WDR44: variants seen among roughly 807,000 people sequenced by gnomAD.
WDR44 encodes the protein WD repeat domain 44.
In WDR44, 9 loss-of-function variants were observed where a neutral mutation model predicts 65.7. The observed-to-expected ratio is 0.14, with a 90% CI of 0.08 to 0.24. The LOEUF is 0.24. Among genes scored for constraint, WDR44 ranks in the 10% least tolerant of loss-of-function variants. WDR44 has a pLI of 1.00. For missense variants in WDR44, 425 were observed against 670.9 expected, an observed-to-expected ratio of 0.63 and a Z score of 4.05; for synonymous variants, 220 against 235.2, an observed-to-expected ratio of 0.94 and a Z score of 0.59.
At chrX:118,436,089 G>A (rs956637683) in intron 13 of WDR44, among the ~76,000 whole-genome samples, 1 of 112,032 alleles carries the variant, frequency 8.9e-6, no homozygotes, top group Non-Finnish European at 1.9e-5. Flanking sequence ...TTTCCTGGGC[G>A]ATGGGGCCAT....
intron 1 of WDR44, among the ~76,000 whole-genome samples, chrX:118,369,686 T>A (rs915791815): frequency 9.1e-6 from 1 of 109,370 alleles, no homozygotes; most frequent in East Asian, 2.9e-4. Flanking sequence ...GCCAGGATGG[T>A]CTCAATCTCC....
intron 3 of WDR44, among the ~76,000 whole-genome samples, chrX:118,391,516 C>G (rs2056820134): frequency 8.9e-6 from 1 of 112,098 alleles, no homozygotes. Flanking sequence ...ATGATGCATT[C>G]TGTTAACTTT....
intron 2 of WDR44, among the ~76,000 whole-genome samples, chrX:118,381,186 A>G (rs1001220225): frequency 3.6e-5 from 4 of 111,951 alleles, no homozygotes; most frequent in African/African-American, 9.7e-5. Context: ...TTTAGAAAAG[A>G]GATGGGGCGC....
At chrX:118,423,190 T>G (rs907419755) in intron 12 of WDR44, among the ~76,000 whole-genome samples, 2 of 110,589 alleles carry the variant, frequency 1.8e-5, no homozygotes, top group Non-Finnish European at 3.8e-5. Flanking sequence ...TTTTTTGAGA[T>G]AGAGTTTCAC....
intron 1 of WDR44, among the ~76,000 whole-genome samples, chrX:118,366,691 C>A (rs1376851331): frequency 1.8e-5 from 2 of 110,731 alleles, no homozygotes; most frequent in African/African-American, 3.3e-5. Flanking sequence ...TATATATAAT[C>A]TATTAATGTA....
chrX:118,436,337 G>T (rs895815159), intron 13 of WDR44, among the ~76,000 whole-genome samples: 1 of 112,130 alleles, frequency 8.9e-6, no homozygotes, highest in African/African-American at 3.2e-5. Flanking sequence ...AATAACTGAA[G>T]TGACAATAAA....
At position 118,392,842 on chromosome X, in the gene WDR44, A is replaced by T. The variant is rs776610227; in HGVS notation, c.397A>T (p.Thr133Ser). 11 of 1,211,893 alleles carry T rather than the reference A, an allele frequency of 9.1e-6. No individual in the cohort carries two copies. Among genetic ancestry groups the T allele is most frequent in the Middle Eastern group, 2.3e-4 (1 of 4,356 alleles). The part of the protein sequence containing the change: ...KAESQNTFEE[T>S]ELELKKCFPS... The stretch of plus-strand genomic sequence containing the variant: ...AGAGAGTCAGAATACATTTGAAGAG[A>T]CTGAATTAGAATTAAAAAAATGCTT... Residue 133 changes from threonine (T) to serine (S), a missense_variant, in exon 4 of 20, where the codon ACT becomes TCT. Thr to Ser is a moderately conservative substitution (Grantham distance 58). Transcript: ENST00000254029.
Position 118,395,261 on chromosome X carries a change from G to C in WDR44, c.970G>C (p.Ala324Pro). 8.3e-7 allele frequency: 1 copy of C among 1,208,144 alleles called. No homozygotes were observed. The change falls in exon 6 of 20, where the codon GCA becomes CCA. Residue 324 changes from alanine to proline, a missense_variant. Coordinates refer to ENST00000254029, the MANE Select transcript of WDR44 (RefSeq NM_019045.5). The part of the protein sequence containing the change: ...KIVTAQENGK[A>P]PDGQTVAGEV... The stretch of plus-strand genomic sequence containing the variant: ...ATTATATTTCCAGGAAAATGGAAAA[G>C]CACCTGATGGGCAGACTGTAGCAGG...
intron 12 of WDR44, among the ~76,000 whole-genome samples, chrX:118,424,323 G>GTGTGTGTATATATA (rs1289349202): frequency 1.8e-4 from 12 of 65,552 alleles, no homozygotes; most frequent in African/African-American, 1.2e-3. Context: ...GTGTGTGTGT[G>GTGTGTGTATATATA]TATATATATA....
At chrX:118,356,292 G>A (rs1298512239) in intron 1 of WDR44, among the ~76,000 whole-genome samples, 1 of 111,512 alleles carries the variant, frequency 9.0e-6, no homozygotes, top group African/African-American at 3.3e-5. Flanking sequence ...GCATTTCAAA[G>A]AGTTATGGTC....
chrX:118,379,268 A>G (rs1405805257), intron 2 of WDR44, among the ~76,000 whole-genome samples: 2 of 111,238 alleles, frequency 1.8e-5, no homozygotes, highest in African/African-American at 3.3e-5. Context: ...TATATATTGT[A>G]TATGTATATT....
chrX:118,368,483 T>TATATATATATATATATATC (rs1569359132), intron 1 of WDR44, among the ~76,000 whole-genome samples: 15 of 87,654 alleles, frequency 1.7e-4, no homozygotes, highest in African/African-American at 7.5e-4. Flanking sequence ...ATATATATAC[T>TATATATATATATATATATC]TCTTGAGGAC....
At chrX:118,447,875 A>AATATATATATATATATATATATAT (rs10570740) in intron 19 of WDR44, among the ~76,000 whole-genome samples, 12 of 54,773 alleles carry the variant, frequency 2.2e-4, no homozygotes, top group African/African-American at 7.9e-4. Context: ...CTCTATCTAA[A>AATATATATATATATATATATATAT]ATATATATAT....
At chrX:118,375,058 T>G (rs1263699718) in intron 1 of WDR44, among the ~76,000 whole-genome samples, 1 of 111,914 alleles carries the variant, frequency 8.9e-6, no homozygotes, top group Non-Finnish European at 1.9e-5. Flanking sequence ...ATCTAGAATA[T>G]TTCCATATAT....
intron 2 of WDR44, among the ~76,000 whole-genome samples, chrX:118,380,212 T>C (rs1311740807): frequency 9.0e-6 from 1 of 111,683 alleles, no homozygotes; most frequent in African/African-American, 3.2e-5. Flanking sequence ...TCCCCAGTGG[T>C]TATATCTTAA....
In WDR44 at chrX:118,395,355, AT is replaced by A; in HGVS notation, c.1053+18del. 4 of 1,177,858 alleles carry A rather than the reference AT, an allele frequency of 3.4e-6. No homozygotes were observed. Among genetic ancestry groups the A allele is most frequent in the Non-Finnish European group, 3.4e-6 (3 of 872,605 alleles). On this transcript the variant is annotated intron_variant, in intron 6 of 19. Coordinates refer to ENST00000254029, the MANE Select transcript of WDR44 (RefSeq NM_019045.5). ...GAGCTTACTGATGAGGTAGAAATAG[AT>A]TTTTTTGTTCTTGTTCTTAAAACAT... is the stretch of plus-strand genomic sequence containing the variant.
intron 3 of WDR44, among the ~76,000 whole-genome samples, chrX:118,388,334 G>A (rs145928683): frequency 1.7e-3 from 192 of 111,613 alleles, no homozygotes; most frequent in Admixed American, 0.014. Context: ...AAGCTAGAGT[G>A]CAGTGGCACA....
chrX:118,437,783 A>T (rs913514544), intron 14 of WDR44, among the ~76,000 whole-genome samples: 1 of 111,655 alleles, frequency 9.0e-6, no homozygotes, highest in African/African-American at 3.3e-5. Context: ...CACACCTGTA[A>T]TCCCAGCACT....
chrX:118,376,655 T>C (rs1177756986), intron 1 of WDR44, among the ~76,000 whole-genome samples: 1 of 111,421 alleles, frequency 9.0e-6, no homozygotes, highest in African/African-American at 3.3e-5. Flanking sequence ...ACTGTTCCTA[T>C]TCAAAAAAAA....
Sources: gnomAD v4.1 joint callset for allele counts (sites outside exome capture counted in the v4.1 genomes callset) on GRCh38, gnomAD v4.1.1 for gene constraint, MANE v1.5 for transcripts, NCBI Gene and HGNC (gene_info 2026-07-23, HGNC 2026-07-21) for gene names.